EYS: variants seen among roughly 807,000 people sequenced by gnomAD.
EYS encodes EGF-like photoreceptor maintenance factor.
EYS carries 250 observed loss-of-function variants against 282.1 expected under a neutral mutation model. That is an observed-to-expected ratio of 0.89 (90% CI 0.80 to 0.98). The LOEUF (loss-of-function observed/expected upper bound fraction) is 0.98. EYS is among the 50% of genes least tolerant of loss of function. EYS has a pLI of 0.00. For missense variants in EYS, 4,016 were observed against 3,709.0 expected (o/e 1.08, Z -2.15); for synonymous variants, 1,355 against 1,282.9 (o/e 1.06, Z -1.20).
intron 26 of EYS, among the ~76,000 whole-genome samples, chr6:64,455,127 A>T (rs1775510620): frequency 6.6e-6 from 1 of 151,984 alleles, no homozygotes; most frequent in South Asian, 2.1e-4. Flanking sequence ...ACCCAGGCTG[A>T]TGTTGAACTC....
In EYS at chr6:63,762,377, A is replaced by C. The variant is rs4710257; in HGVS notation, c.8071+84T>G. On this transcript the variant is annotated intron_variant, in intron 41 of 42. Transcript: ENST00000503581. Reference sequence around the variant, plus strand: ...TGAATTTTATTATATGTACTTTTTTACTTCTCAAAAAGAAAACTGACTTTG... The same window carrying C: ...TGAATTTTATTATATGTACTTTTTTCCTTCTCAAAAAGAAAACTGACTTTG... 412,788 of 1,277,418 alleles carry C rather than the reference A, an allele frequency of 0.32. 68,460 individuals carry two copies. Among genetic ancestry groups the C allele is most frequent in the Admixed American group, 0.39 (15,900 of 41,226 alleles). 79.1% of individuals were successfully genotyped at this position (1,277,418 alleles called of 1,614,324 possible). A position where few individuals can be genotyped will look rare whatever the true frequency, so the allele number is the denominator to read the frequency against.
intron 31 of EYS, among the ~76,000 whole-genome samples, chr6:64,184,785 A>T (rs1187842369): frequency 6.6e-6 from 1 of 152,236 alleles, no homozygotes; most frequent in Non-Finnish European, 1.5e-5. Flanking sequence ...CTGATTAAAA[A>T]GAATAAGAAT....
chr6:63,741,774 G>A, intron 41 of EYS: 1 of 588,516 alleles, frequency 1.7e-6, no homozygotes, highest in Non-Finnish European at 3.1e-6. Context: ...CGTTCAATCT[G>A]AATCAAACTG....
At chr6:64,503,392 G>T (rs1056300857) in intron 26 of EYS, among the ~76,000 whole-genome samples, 6 of 152,060 alleles carry the variant, frequency 3.9e-5, no homozygotes, top group Non-Finnish European at 5.9e-5. Context: ...CTGAATCAAA[G>T]GTTACTTATT....
rs115669300 is a variant in EYS at position 64,303,175 on chromosome 6, C to T, written c.6191+3795G>A. ...TGTGGTACCTGCTACACTTAAGCAC[C>T]GACTTCCGGCTTCTAACATTGCAAC... On this transcript the variant is annotated intron_variant, in intron 30 of 42. Transcript: ENST00000503581. Among the ~76,000 whole-genome samples, 1,347 of 152,266 alleles carry T rather than the reference C, an allele frequency of 8.8e-3. 16 individuals carry two copies. Among genetic ancestry groups the T allele is most frequent in the African/African-American group, 0.03 (1,261 of 41,558 alleles).
chr6:64,622,540 C>A (rs1767477799), intron 23 of EYS, among the ~76,000 whole-genome samples: 1 of 152,074 alleles, frequency 6.6e-6, no homozygotes, highest in South Asian at 2.1e-4. Context: ...AGGATTCACA[C>A]AGCTCTGTTT....
At chr6:65,001,179 G>A (rs559355312) in intron 13 of EYS, among the ~76,000 whole-genome samples, 17 of 119,568 alleles carry the variant, frequency 1.4e-4, no homozygotes, top group African/African-American at 4.1e-4. Context: ...CTTTTCACAA[G>A]GGCAGAAGGC....
At chr6:65,460,074 TACACACACACAC>T (rs71002308) in intron 5 of EYS, among the ~76,000 whole-genome samples, 1 of 135,330 alleles carries the variant, frequency 7.4e-6, no homozygotes, top group Non-Finnish European at 1.6e-5. Context: ...TATATATGTA[TACACACACACAC>T]ACACACACAC....
intron 31 of EYS, among the ~76,000 whole-genome samples, chr6:64,132,391 A>G (rs1390240470): frequency 6.6e-6 from 1 of 151,866 alleles, no homozygotes; most frequent in Non-Finnish European, 1.5e-5. Context: ...AAAAGGTCCA[A>G]AAATGCTTAT....
chr6:64,844,355 TG>T (rs1765657524), intron 19 of EYS, among the ~76,000 whole-genome samples: 1 of 149,390 alleles, frequency 6.7e-6, no homozygotes, highest in Non-Finnish European at 1.5e-5. Flanking sequence ...TTTATGCTGT[TG>T]GGTTTTTTTT....
At chr6:64,968,204 C>G (rs1365943853) in intron 14 of EYS, among the ~76,000 whole-genome samples, 1 of 152,034 alleles carries the variant, frequency 6.6e-6, no homozygotes, top group Non-Finnish European at 1.5e-5. Flanking sequence ...TTTATTATTA[C>G]TTACAGAAAC....
At chr6:65,318,934 G>A (rs1400952229) in intron 11 of EYS, among the ~76,000 whole-genome samples, 2 of 151,050 alleles carry the variant, frequency 1.3e-5, no homozygotes, top group Admixed American at 6.6e-5. Flanking sequence ...GAGCCACTGC[G>A]CCCAGGCTGG....
At chr6:64,896,257 T>C (rs1342874031) in intron 18 of EYS, among the ~76,000 whole-genome samples, 1 of 152,024 alleles carries the variant, frequency 6.6e-6, no homozygotes, top group Non-Finnish European at 1.5e-5. Context: ...TGGTACTGGT[T>C]AGACAGTGGG....
At chr6:65,272,600 C>A (rs1192189412) in intron 12 of EYS, among the ~76,000 whole-genome samples, 2 of 152,134 alleles carry the variant, frequency 1.3e-5, no homozygotes, top group Non-Finnish European at 2.9e-5. Flanking sequence ...TCCTTTTGAA[C>A]CATTCTCAGT....
chr6:64,501,943 C>A (rs1225062126), intron 26 of EYS, among the ~76,000 whole-genome samples: 1 of 152,160 alleles, frequency 6.6e-6, no homozygotes, highest in East Asian at 1.9e-4. Context: ...TGTACTAGTT[C>A]TGGAACTTGG....
rs1773265963 is a variant in EYS, at chr6:63,886,579, G to A, written c.7056-22221C>T. ...ACACTTCAGGGAATTTGGTAATAAGGTGATAACAAGATGATGAGGTGCTAA... is the reference window on the plus strand; with the variant it reads ...ACACTTCAGGGAATTTGGTAATAAGATGATAACAAGATGATGAGGTGCTAA... On this transcript the variant is annotated intron_variant, in intron 35 of 42. Transcript: ENST00000503581. Among the ~76,000 whole-genome samples the A allele has an allele frequency of 2.0e-5, 3 of 152,168 alleles. No homozygotes were observed. The South Asian group carries it at 6.2e-4, about 32-fold the overall frequency.
intron 16 of EYS, among the ~76,000 whole-genome samples, chr6:64,907,849 G>T (rs962945030): frequency 2.0e-5 from 3 of 151,912 alleles, no homozygotes; most frequent in African/African-American, 7.3e-5. Context: ...AAAAAAAAAA[G>T]TCTGAGATAA....
At chr6:64,694,360 A>G (rs938718018) in intron 22 of EYS, among the ~76,000 whole-genome samples, 3 of 152,210 alleles carry the variant, frequency 2.0e-5, no homozygotes, top group Non-Finnish European at 4.4e-5. Context: ...GAAGATTGAG[A>G]GTAAATTCTC....
chr6:64,099,482 G>A (rs904065852), intron 31 of EYS, among the ~76,000 whole-genome samples: 4 of 152,150 alleles, frequency 2.6e-5, no homozygotes, highest in African/African-American at 7.2e-5. Context: ...CTTGTCTCAA[G>A]GTTATATCAA....
Sources: gnomAD v4.1 joint callset for allele counts (sites outside exome capture counted in the v4.1 genomes callset) on GRCh38, gnomAD v4.1.1 for gene constraint, MANE v1.5 for transcripts, NCBI Gene and HGNC (gene_info 2026-07-23, HGNC 2026-07-21) for gene names.